PITPNC1: variants seen among roughly 807,000 people sequenced by gnomAD.
The protein encoded by PITPNC1 is cytoplasmic phosphatidylinositol transfer protein 1.
A neutral mutation model predicts 44.7 loss-of-function variants in PITPNC1; 18 were observed. That is an observed-to-expected ratio of 0.40 (90% CI 0.28 to 0.60). PITPNC1 has a LOEUF of 0.60. PITPNC1 is among the 20% of genes least tolerant of loss of function. PITPNC1 has a pLI of 0.39. For synonymous variants in PITPNC1, 141 were observed against 149.6 expected (o/e 0.94, Z 0.42); for missense variants, 290 against 418.4 (o/e 0.69, Z 2.68).
intron 6 of PITPNC1, among the ~76,000 whole-genome samples, chr17:67,641,854 C>A (rs1219069955): frequency 2.0e-5 from 3 of 151,212 alleles, no homozygotes; most frequent in Non-Finnish European, 4.4e-5. Context: ...ATGTGTACAT[C>A]ATTCTCCATT....
intron 1 of PITPNC1, among the ~76,000 whole-genome samples, chr17:67,476,169 G>C (rs1423418781): frequency 6.6e-6 from 1 of 150,954 alleles, no homozygotes; most frequent in Non-Finnish European, 1.5e-5. Context: ...GATTCCTAGA[G>C]ACTAAATTTC....
intron 1 of PITPNC1, among the ~76,000 whole-genome samples, chr17:67,390,220 T>C (rs887028999): frequency 3.3e-5 from 5 of 152,160 alleles, no homozygotes; most frequent in African/African-American, 4.8e-5. Flanking sequence ...TCTACCAGAT[T>C]TGGACCAGAA....
chr17:67,623,047 C>T (rs1351109161), intron 5 of PITPNC1, among the ~76,000 whole-genome samples: 1 of 144,030 alleles, frequency 6.9e-6, no homozygotes, highest in African/African-American at 2.6e-5. Context: ...TTCCTGCTGG[C>T]TGAACCTGTA....
intron 1 of PITPNC1, among the ~76,000 whole-genome samples, chr17:67,523,905 G>A (rs112767567): frequency 0.049 from 7,075 of 145,638 alleles, 259 homozygotes; most frequent in East Asian, 0.12. Context: ...TCCGCCTCCC[G>A]GGTTCAAGTG....
intron 5 of PITPNC1, chr17:67,612,509 T>A (rs760153223): frequency 2.0e-5 from 3 of 152,262 alleles, no homozygotes; most frequent in Non-Finnish European, 4.4e-5. Context: ...TCTAAAGTCG[T>A]ACAACTCCTA....
At chr17:67,656,429 G>C (rs1047649080) in intron 6 of PITPNC1, among the ~76,000 whole-genome samples, 1 of 152,104 alleles carries the variant, frequency 6.6e-6, no homozygotes, top group Non-Finnish European at 1.5e-5. Context: ...ATTGGATTTA[G>C]GGCCCTCCCA....
chr17:67,447,089 CAAAAAAAAAAAAAAAA>C lies in PITPNC1; in HGVS notation c.48+68899_48+68914del, dbSNP rs749024248. Among the ~76,000 whole-genome samples, 2 of 35,324 alleles carry C rather than the reference CAAAAAAAAAAAAAAAA, an allele frequency of 5.7e-5. 1 individual carries two copies. The highest frequency in any genetic ancestry group is 1.0e-4 in the Non-Finnish European group (2 of 19,642). 23.2% of individuals were successfully genotyped at this position (35,324 alleles called of 152,430 possible). A position where few individuals can be genotyped will look rare whatever the true frequency, so the allele number is the denominator to read the frequency against. On this transcript the variant is annotated intron_variant, in intron 1 of 8. Coordinates refer to ENST00000581322, the MANE Select transcript of PITPNC1 (RefSeq NM_012417.4). The stretch of plus-strand genomic sequence containing the variant: ...TGGGCCATAGAGTGAGACTCTGTCT[CAAAAAAAAAAAAAAAA>C]AAAAAAAAAAAGAATGACCCTAGGA...
intron 6 of PITPNC1, among the ~76,000 whole-genome samples, chr17:67,662,848 G>A (rs2042368366): frequency 6.6e-6 from 1 of 152,180 alleles, no homozygotes; most frequent in African/African-American, 2.4e-5. Flanking sequence ...GTGTAATGCT[G>A]AGGTTTGGAG....
At chr17:67,571,613 T>G (rs1378812810) in intron 4 of PITPNC1, among the ~76,000 whole-genome samples, 1 of 152,218 alleles carries the variant, frequency 6.6e-6, no homozygotes, top group African/African-American at 2.4e-5. Flanking sequence ...CCACGCTCAC[T>G]GGTGGTTGGC....
intron 5 of PITPNC1, among the ~76,000 whole-genome samples, chr17:67,608,066 G>C (rs1057015045): frequency 1.3e-5 from 2 of 151,944 alleles, no homozygotes; most frequent in African/African-American, 4.8e-5. Flanking sequence ...TGCGCCCTAA[G>C]AACAAGGGCT....
At chr17:67,483,356 T>C (rs1008443423) in intron 1 of PITPNC1, among the ~76,000 whole-genome samples, 7 of 152,212 alleles carry the variant, frequency 4.6e-5, no homozygotes, top group African/African-American at 1.7e-4. Flanking sequence ...GTACAAGTAA[T>C]CCTGGTATCC....
At chr17:67,623,521 A>G (rs1011560747) in intron 5 of PITPNC1, among the ~76,000 whole-genome samples, 1 of 152,112 alleles carries the variant, frequency 6.6e-6, no homozygotes, top group African/African-American at 2.4e-5. Flanking sequence ...AGCAGCTGGG[A>G]CTACAGGCAT....
chr17:67,621,422 G>A (rs1167801680), intron 5 of PITPNC1, among the ~76,000 whole-genome samples: 2 of 151,978 alleles, frequency 1.3e-5, no homozygotes, highest in Non-Finnish European at 2.9e-5. Flanking sequence ...TGGCCAGGCT[G>A]GTCTCAAACT....
intron 6 of PITPNC1, among the ~76,000 whole-genome samples, chr17:67,653,282 A>G (rs1471823499): frequency 6.6e-6 from 1 of 152,110 alleles, no homozygotes; most frequent in Non-Finnish European, 1.5e-5. Context: ...AAGAAAAAAA[A>G]GGTTGGGGGG....
intron 1 of PITPNC1, among the ~76,000 whole-genome samples, chr17:67,399,830 G>C (rs76587700): frequency 6.6e-6 from 1 of 152,136 alleles, no homozygotes; most frequent in Admixed American, 6.5e-5. Context: ...TAAGTTGCCC[G>C]GAGTTGGGGT....
intron 1 of PITPNC1, among the ~76,000 whole-genome samples, chr17:67,433,291 T>G (rs578041555): frequency 5.3e-5 from 8 of 152,202 alleles, no homozygotes; most frequent in Admixed American, 4.6e-4. Context: ...GAGCAGAGAT[T>G]GCTAAGGTCT....
At chr17:67,603,421 A>T (rs112615030) in intron 5 of PITPNC1, among the ~76,000 whole-genome samples, 1 of 152,198 alleles carries the variant, frequency 6.6e-6, no homozygotes, top group Non-Finnish European at 1.5e-5. Context: ...GCATCTTGCC[A>T]ACCTGTCTTT....
intron 6 of PITPNC1, among the ~76,000 whole-genome samples, chr17:67,634,722 T>C (rs1245184777): frequency 1.3e-5 from 2 of 151,878 alleles, no homozygotes; most frequent in African/African-American, 4.8e-5. Flanking sequence ...GGAAACTGAA[T>C]TTAAGAGGAT....
intron 5 of PITPNC1, among the ~76,000 whole-genome samples, chr17:67,594,978 A>G (rs1353580723): frequency 2.6e-5 from 4 of 152,232 alleles, no homozygotes; most frequent in East Asian, 1.9e-4. Flanking sequence ...TGTTTTAACA[A>G]CTTTACAAAT....
Sources: gnomAD v4.1 joint callset for allele counts (sites outside exome capture counted in the v4.1 genomes callset) on GRCh38, gnomAD v4.1.1 for gene constraint, MANE v1.5 for transcripts, NCBI Gene and HGNC (gene_info 2026-07-23, HGNC 2026-07-21) for gene names.